The following ADCY2 variants were observed in gnomAD, a reference collection of about 807,000 sequenced individuals.
The protein encoded by ADCY2 is adenylate cyclase 2, also known as adenylate cyclase type 2.
A neutral mutation model predicts 125.2 loss-of-function variants in ADCY2; 31 were observed. The observed-to-expected ratio is 0.25, with a 90% CI of 0.19 to 0.33. The LOEUF is 0.33. Ranked by LOEUF, ADCY2 falls within the 10% of genes least tolerant of loss-of-function variation. The pLI, the probability that ADCY2 is intolerant of heterozygous loss-of-function variation, is 1.00. For synonymous variants in ADCY2, 512 were observed against 548.4 expected, an observed-to-expected ratio of 0.93 and a Z score of 0.93; for missense variants, 904 against 1,418.2, an observed-to-expected ratio of 0.64 and a Z score of 5.82.
chr5:7,520,765 G>A lies in ADCY2; in HGVS notation c.436G>A (p.Val146Met), dbSNP rs141561787. 295 of 1,613,996 alleles carry A rather than the reference G, an allele frequency of 1.8e-4. No homozygotes were observed. Among genetic ancestry groups the A allele is most frequent in the Non-Finnish European group, 2.4e-4 (286 of 1,180,018 alleles). The part of the protein sequence containing the change: ...QVSFFLFIIF[V>M]VYTMLPFNMR... ...ATCGTTCTTCCTCTTCATCATCTTC[G>A]TGGTGTACACCATGCTGCCCTTCAA... Residue 146 changes from valine to methionine, a missense_variant, in exon 3 of 25, where the codon GTG becomes ATG. Val to Met is a conservative substitution (Grantham distance 21). This residue lies in a region of ADCY2 where 121 missense variants were observed against 161.5 expected (regional missense o/e 0.75). Coordinates refer to ENST00000338316, the MANE Select transcript of ADCY2 (RefSeq NM_020546.3).
intron 4 of ADCY2, among the ~76,000 whole-genome samples, chr5:7,683,764 T>C (rs1025131944): frequency 6.6e-6 from 1 of 152,198 alleles, no homozygotes; most frequent in Non-Finnish European, 1.5e-5. Flanking sequence ...ATCTGTAGCA[T>C]AGAGTTGCTC....
chr5:7,666,906 A>G (rs1048783194), intron 4 of ADCY2, among the ~76,000 whole-genome samples: 6 of 152,286 alleles, frequency 3.9e-5, no homozygotes, highest in African/African-American at 1.4e-4. Context: ...CTACCAAGGT[A>G]GCTGGTTAAT....
intron 1 of ADCY2, among the ~76,000 whole-genome samples, chr5:7,399,035 G>A (rs1293583671): frequency 1.3e-5 from 2 of 152,202 alleles, no homozygotes; most frequent in Non-Finnish European, 2.9e-5. Flanking sequence ...CTTCAGAGAG[G>A]TCTACCTTGG....
intron 2 of ADCY2, among the ~76,000 whole-genome samples, chr5:7,517,562 A>G (rs1579527398): frequency 1.3e-5 from 2 of 151,960 alleles, no homozygotes; most frequent in Non-Finnish European, 1.5e-5. Flanking sequence ...CCTGCCGAAC[A>G]CTCCCCAAGC....
chr5:7,491,886 C>T (rs1743177454), intron 2 of ADCY2, among the ~76,000 whole-genome samples: 1 of 152,190 alleles, frequency 6.6e-6, no homozygotes. Context: ...TTACTATATT[C>T]TGTTTCCATG....
chr5:7,626,936 G>A (rs1275493396), intron 4 of ADCY2, among the ~76,000 whole-genome samples: 1 of 152,188 alleles, frequency 6.6e-6, no homozygotes, highest in Non-Finnish European at 1.5e-5. Flanking sequence ...GCAGCCTTCA[G>A]ACCAAGGGAC....
intron 14 of ADCY2, among the ~76,000 whole-genome samples, chr5:7,732,488 G>A (rs1742132621): frequency 6.6e-6 from 1 of 152,122 alleles, no homozygotes; most frequent in African/African-American, 2.4e-5. Context: ...TTTAGCATCA[G>A]CACCTCTCAG....
intron 18 of ADCY2, among the ~76,000 whole-genome samples, chr5:7,775,528 T>C (rs995798779): frequency 2.6e-5 from 4 of 151,856 alleles, no homozygotes; most frequent in African/African-American, 9.7e-5. Context: ...GTAGCTAGGA[T>C]TGCAGGCAGC....
At chr5:7,533,453 T>C (rs1054391424) in intron 3 of ADCY2, among the ~76,000 whole-genome samples, 1 of 152,122 alleles carries the variant, frequency 6.6e-6, no homozygotes, top group Admixed American at 6.5e-5. Flanking sequence ...ATTTATTATT[T>C]TTATTGTTTT....
chr5:7,483,012 A>ACCC (rs1742795393), intron 2 of ADCY2, among the ~76,000 whole-genome samples: 1 of 151,782 alleles, frequency 6.6e-6, no homozygotes, highest in Non-Finnish European at 1.5e-5. Flanking sequence ...AGAGGCTGGG[A>ACCC]AGGGTGTGAG....
chr5:7,647,993 G>T (rs566946716), intron 4 of ADCY2, among the ~76,000 whole-genome samples: 243 of 152,308 alleles, frequency 1.6e-3, no homozygotes, highest in African/African-American at 5.6e-3. Context: ...ATTTAAATGC[G>T]CTCTGGACTT....
intron 11 of ADCY2, 94 bp from the exon 12 acceptor site, chr5:7,717,063 T>C (rs1041563859): frequency 1.9e-5 from 14 of 750,034 alleles, no homozygotes; most frequent in Non-Finnish European, 2.9e-5. Flanking sequence ...CTGTATCTCA[T>C]AAGGATGTAA....
At chr5:7,544,923 G>A (rs1735104452) in intron 3 of ADCY2, among the ~76,000 whole-genome samples, 1 of 152,206 alleles carries the variant, frequency 6.6e-6, no homozygotes, top group Non-Finnish European at 1.5e-5. Context: ...AACCCTGAGT[G>A]TTTGATGGGT....
At chr5:7,559,900 AC>A (rs1186846399) in intron 3 of ADCY2, among the ~76,000 whole-genome samples, 1 of 152,218 alleles carries the variant, frequency 6.6e-6, no homozygotes, top group Non-Finnish European at 1.5e-5. Context: ...TGCCTGTTAT[AC>A]CTGGAAAGAG....
chr5:7,426,811 G>A (rs1178054661), intron 2 of ADCY2, among the ~76,000 whole-genome samples: 1 of 152,102 alleles, frequency 6.6e-6, no homozygotes, highest in Non-Finnish European at 1.5e-5. Context: ...TTGAGGTCAT[G>A]GCTCCTTTTG....
intron 14 of ADCY2, among the ~76,000 whole-genome samples, chr5:7,741,392 C>G (rs1340810886): frequency 6.6e-6 from 1 of 152,068 alleles, no homozygotes; most frequent in East Asian, 1.9e-4. Context: ...GGTAATAATA[C>G]TAACTACTAT....
intron 4 of ADCY2, among the ~76,000 whole-genome samples, chr5:7,652,223 A>G (rs1042432702): frequency 6.6e-6 from 1 of 152,224 alleles, no homozygotes; most frequent in East Asian, 1.9e-4. Flanking sequence ...CAAGTTTTAA[A>G]TCATTCCCTG....
chr5:7,652,351 A>T (rs1014627055), intron 4 of ADCY2, among the ~76,000 whole-genome samples: 1 of 152,208 alleles, frequency 6.6e-6, no homozygotes, highest in Non-Finnish European at 1.5e-5. Context: ...AGTGGGAAAG[A>T]TTGATACAAA....
Position 7,624,735 on chromosome 5 carries a change from C to T in ADCY2, c.571-1432C>T, listed in dbSNP as rs368476007. On this transcript the variant is annotated intron_variant, in intron 3 of 24. Transcript: ENST00000338316. ...GGGTTCCAGCCACTCCTGCTCACCA[C>T]GTTGGATGATTAATGTGATAAAGTG... 3.3e-5 allele frequency among the ~76,000 whole-genome samples: 5 copies of T among 152,156 alleles called. No homozygotes were observed. The East Asian group carries it at 7.7e-4, about 23-fold the overall frequency.
Sources: gnomAD v4.1 joint callset for allele counts (sites outside exome capture counted in the v4.1 genomes callset) on GRCh38, gnomAD v4.1.1 for gene constraint, gnomAD v4.1.1 regional missense constraint, MANE v1.5 for transcripts, NCBI Gene and HGNC (gene_info 2026-07-23, HGNC 2026-07-21) for gene names.